Variants in HCN1 observed in about 807,000 individuals in gnomAD.
HCN1 encodes the protein potassium/sodium hyperpolarization-activated cyclic nucleotide-gated channel 1.
Under a neutral mutation model 78.9 loss-of-function variants are expected in HCN1, and 13 were observed. The ratio of observed to expected loss-of-function variants is 0.16; its 90% CI spans 0.11 to 0.26. The LOEUF (loss-of-function observed/expected upper bound fraction) is 0.26, where lower values mean the gene tolerates loss of function less well. HCN1 is among the 10% of genes least tolerant of loss of function. The probability of loss-of-function intolerance (pLI) is 1.00; values close to 1 mark genes in which losing one functional copy is unlikely to be tolerated. For synonymous variants in HCN1, 552 were observed against 455.5 expected, an observed-to-expected ratio of 1.21 and a Z score of -2.70; for missense variants, 810 against 1,154.3, an observed-to-expected ratio of 0.70 and a Z score of 4.32.
At position 45,672,431 on chromosome 5, in the gene HCN1, C is replaced by T. The variant is rs554842559; in HGVS notation, c.425+23238G>A. Among the ~76,000 whole-genome samples, 30 of 151,410 alleles carry T rather than the reference C, an allele frequency of 2.0e-4. No homozygotes were observed. In the South Asian group the frequency reaches 5.4e-3, roughly 27 times the overall value. On this transcript the variant is annotated intron_variant, in intron 1 of 7. Transcript: ENST00000303230. ...GATGTTTTCAGATGCCACTTGTCTACGTTAAGTACTTGCTAGTATTTATAG... is the reference window on the plus strand; with the variant it reads ...GATGTTTTCAGATGCCACTTGTCTATGTTAAGTACTTGCTAGTATTTATAG...
intron 2 of HCN1, among the ~76,000 whole-genome samples, chr5:45,473,123 A>T (rs1002924875): frequency 1.1e-4 from 17 of 151,932 alleles, no homozygotes; most frequent in African/African-American, 4.1e-4. Flanking sequence ...TTCAACCAGT[A>T]TCTTATCAAA....
intron 6 of HCN1, among the ~76,000 whole-genome samples, chr5:45,298,672 A>G (rs1485736722): frequency 2.0e-5 from 3 of 151,990 alleles, no homozygotes; most frequent in African/African-American, 7.2e-5. Context: ...ATGAAAGAGA[A>G]TAGGTAAATT....
chr5:45,426,382 C>A (rs1028018437), intron 3 of HCN1, among the ~76,000 whole-genome samples: 2 of 152,084 alleles, frequency 1.3e-5, no homozygotes, highest in African/African-American at 4.8e-5. Flanking sequence ...GTGTCTCCAC[C>A]CAAATCTCAC....
chr5:45,463,163 C>CA (rs537495710), intron 2 of HCN1, among the ~76,000 whole-genome samples: 117 of 150,580 alleles, frequency 7.8e-4, no homozygotes, highest in Middle Eastern at 3.4e-3. Flanking sequence ...TAAAGAAAAC[C>CA]AAAAAAAATA....
At chr5:45,401,426 T>C (rs2088629387) in intron 3 of HCN1, among the ~76,000 whole-genome samples, 1 of 152,128 alleles carries the variant, frequency 6.6e-6, no homozygotes, top group Non-Finnish European at 1.5e-5. Flanking sequence ...TAAATATTTA[T>C]TCCTAATTTA....
intron 4 of HCN1, among the ~76,000 whole-genome samples, chr5:45,374,101 A>G (rs192112442): frequency 0.17 from 18,190 of 106,720 alleles, 1,934 homozygotes; most frequent in East Asian, 0.33. Flanking sequence ...TGTATATAAT[A>G]TATATTATAT....
chr5:45,694,699 A>C (rs1405230711), intron 1 of HCN1, among the ~76,000 whole-genome samples: 1 of 152,216 alleles, frequency 6.6e-6, no homozygotes. Flanking sequence ...AGCCTTGTTC[A>C]GGAGCTAAGA....
intron 2 of HCN1, among the ~76,000 whole-genome samples, chr5:45,563,267 T>C (rs1743642200): frequency 6.6e-6 from 1 of 151,932 alleles, no homozygotes; most frequent in South Asian, 2.1e-4. Flanking sequence ...CTGGCCAACA[T>C]GGTGAAAACC....
At chr5:45,391,179 C>T (rs954644799) in intron 4 of HCN1, among the ~76,000 whole-genome samples, 3 of 152,056 alleles carry the variant, frequency 2.0e-5, no homozygotes, top group African/African-American at 7.2e-5. Flanking sequence ...TGAAGGAAAC[C>T]AAGTGAAATG....
intron 1 of HCN1, among the ~76,000 whole-genome samples, chr5:45,684,988 T>C (rs1739774577): frequency 6.6e-6 from 1 of 152,192 alleles, no homozygotes; most frequent in Non-Finnish European, 1.5e-5. Context: ...TTTAATAAAA[T>C]AAGGCTAAAA....
intron 4 of HCN1, among the ~76,000 whole-genome samples, chr5:45,384,362 G>A (rs778480912): frequency 2.0e-5 from 3 of 151,820 alleles, no homozygotes; most frequent in Non-Finnish European, 2.9e-5. Context: ...TGAGATCTAT[G>A]GTATTTCATA....
intron 5 of HCN1, among the ~76,000 whole-genome samples, chr5:45,341,331 A>G (rs930543238): frequency 3.3e-5 from 5 of 152,208 alleles, no homozygotes; most frequent in Non-Finnish European, 1.5e-5. Context: ...AGACATCACA[A>G]TTGCTCAGCT....
At chr5:45,639,297 G>A (rs1745411808) in intron 2 of HCN1, among the ~76,000 whole-genome samples, 1 of 152,022 alleles carries the variant, frequency 6.6e-6, no homozygotes, top group Non-Finnish European at 1.5e-5. Context: ...GAAAATATCA[G>A]GCAATTCACA....
At chr5:45,529,046 A>T (rs1477078858) in intron 2 of HCN1, among the ~76,000 whole-genome samples, 1 of 152,040 alleles carries the variant, frequency 6.6e-6, no homozygotes, top group Non-Finnish European at 1.5e-5. Flanking sequence ...CTTTAAAATA[A>T]AAAGCAGGTA....
In HCN1 at chr5:45,396,514, G is replaced by A; in HGVS notation, c.1208C>T (p.Ser403Leu). 2.5e-6 allele frequency: 4 copies of A among 1,613,402 alleles called. No homozygotes were observed. The highest frequency in any genetic ancestry group is 3.4e-6 in the Non-Finnish European group (4 of 1,179,744). The change falls in exon 4 of 8, where the codon TCG (serine) becomes TTG (leucine). Residue 403 changes from serine to leucine, a missense_variant. Coordinates refer to ENST00000303230, the MANE Select transcript of HCN1 (RefSeq NM_021072.4). Reference protein sequence around the residue: ...ATALIQSLDSSRRQYQEKYKQ... With the variant: ...ATALIQSLDSLRRQYQEKYKQ... Reference sequence around the variant, plus strand: ...TACCTTCTCTTGATACTGCCGCCTCGAAGAATCCAGAGACTGGATTAAAGC... The same window carrying A: ...TACCTTCTCTTGATACTGCCGCCTCAAAGAATCCAGAGACTGGATTAAAGC...
intron 1 of HCN1, among the ~76,000 whole-genome samples, chr5:45,660,005 G>T (rs952106707): frequency 2.9e-5 from 4 of 139,842 alleles, no homozygotes; most frequent in African/African-American, 1.1e-4. Context: ...ATAATTGTCA[G>T]ATTCACCAAA....
chr5:45,484,204 G>A (rs888708745), intron 2 of HCN1, among the ~76,000 whole-genome samples: 16 of 152,012 alleles, frequency 1.1e-4, no homozygotes, highest in African/African-American at 3.1e-4. Context: ...AGGCTGAGGC[G>A]GGCAGATCAC....
chr5:45,471,758 T>C (rs1273567448), intron 2 of HCN1, among the ~76,000 whole-genome samples: 2 of 152,118 alleles, frequency 1.3e-5, no homozygotes, highest in African/African-American at 2.4e-5. Flanking sequence ...TTGAGCTTCA[T>C]ACACTTGTAT....
At chr5:45,377,266 A>G (rs1342717097) in intron 4 of HCN1, among the ~76,000 whole-genome samples, 1 of 152,012 alleles carries the variant, frequency 6.6e-6, no homozygotes, top group Non-Finnish European at 1.5e-5. Context: ...ATGCAGATGT[A>G]AAAAATAACT....
Sources: allele counts gnomAD v4.1 joint callset (sites outside exome capture counted in the v4.1 genomes callset), GRCh38; gene constraint gnomAD v4.1.1; transcripts MANE v1.5; gene names NCBI Gene and HGNC (gene_info 2026-07-23, HGNC 2026-07-21).